Variants in PHF21B observed in about 807,000 individuals in gnomAD.
PHF21B encodes the protein PHD finger protein 4.
PHF21B carries 22 observed loss-of-function variants against 62.2 expected under a neutral mutation model. The observed-to-expected ratio is 0.35, with a 90% CI of 0.25 to 0.51. The LOEUF is 0.51. Ranked by LOEUF, PHF21B falls within the 20% of genes least tolerant of loss-of-function variation. The pLI is 0.97. For missense variants in PHF21B, 701 were observed against 707.9 expected (o/e 0.99, Z 0.11); for synonymous variants, 341 against 314.7 (o/e 1.08, Z -0.88).
chr22:45,004,833 G>A, intron 2 of PHF21B, among the ~76,000 whole-genome samples: 1 of 152,236 alleles, frequency 6.6e-6, no homozygotes, highest in East Asian at 1.9e-4. Context: ...TTTTACTGCT[G>A]CACTCGGGGA....
At chr22:44,916,011 G>A (rs2239792) in intron 4 of PHF21B, among the ~76,000 whole-genome samples, 37,931 of 152,006 alleles carry the variant, frequency 0.25, 5,308 homozygotes, top group East Asian at 0.61. Flanking sequence ...TTTTCCACTG[G>A]TATTAATTCA....
At position 44,986,251 on chromosome 22, in the gene PHF21B, T is replaced by C. The variant is rs11913359; in HGVS notation, c.120+22294A>G. 7.0e-5 allele frequency among the ~76,000 whole-genome samples: 10 copies of C among 143,532 alleles called. 1 individual carries two copies. In the South Asian group the frequency reaches 1.6e-3, roughly 23 times the overall value. The allele number at this position is 143,532 out of a possible 152,430, so 94.2% of individuals were successfully genotyped here. A position where few individuals can be genotyped will look rare whatever the true frequency, so the allele number is the denominator to read the frequency against. On this transcript the variant is annotated intron_variant, in intron 2 of 12. Coordinates refer to ENST00000313237, the MANE Select transcript of PHF21B (RefSeq NM_138415.5). ...ATCACCATCATTATGACAACCATCA[T>C]CACCACCATCACCAGCAGCACCATC...
intron 5 of PHF21B, among the ~76,000 whole-genome samples, chr22:44,906,086 G>T (rs374606740): frequency 1.4e-3 from 208 of 152,256 alleles, no homozygotes; most frequent in African/African-American, 4.9e-3. Context: ...CACCCTCAGG[G>T]TCACCCTTGC....
At chr22:44,944,795 T>G (rs1009797582) in intron 2 of PHF21B, among the ~76,000 whole-genome samples, 1 of 140,892 alleles carries the variant, frequency 7.1e-6, no homozygotes, top group Non-Finnish European at 1.5e-5. Context: ...GAAGAAACCC[T>G]TTGCCCAGCC....
At chr22:44,978,573 G>A in intron 2 of PHF21B, among the ~76,000 whole-genome samples, 1 of 152,166 alleles carries the variant, frequency 6.6e-6, no homozygotes, top group East Asian at 1.9e-4. Context: ...TGGTCAGGCT[G>A]GTCTCAAACT....
Position 44,885,427 on chromosome 22 carries a change from T to G in PHF21B, c.1376A>C (p.Gln459Pro). The G allele has an allele frequency of 1.3e-6, 2 of 1,575,240 alleles. No homozygotes were observed. The highest frequency in any genetic ancestry group is 1.7e-6 in the Non-Finnish European group (2 of 1,163,064). Residue 459 changes from glutamine (Q) to proline (P), a missense_variant and splice_region_variant, in exon 12 of 13, where the codon CAG becomes CCG. Gln to Pro is a moderately conservative substitution (Grantham distance 76, BLOSUM62 -1). Transcript: ENST00000313237. ...CCTCCCCCAGGCCCCGGGGCACACC[T>G]GCACTGCTGACGCCAGCCGCCGGTC... ...ERDRRLASAV[Q>P]KCLELKTSLL...
At position 44,928,894 on chromosome 22, in the gene PHF21B, G is replaced by A. The variant is rs553162666; in HGVS notation, c.121-8404C>T. ...CTGCAGAGGCCCCCCACCCCTCACC[G>A]CTGAGGCCCCACTGCCGGGGCTGAG... On this transcript the variant is annotated intron_variant, in intron 2 of 12. Coordinates refer to ENST00000313237, the MANE Select transcript of PHF21B (RefSeq NM_138415.5). Among the ~76,000 whole-genome samples the A allele has an allele frequency of 2.6e-5, 4 of 152,140 alleles. No homozygotes were observed. The South Asian group carries it at 8.3e-4, about 32-fold the overall frequency.
intron 3 of PHF21B, among the ~76,000 whole-genome samples, chr22:44,918,824 A>G (rs1026205766): frequency 2.0e-5 from 3 of 152,194 alleles, no homozygotes; most frequent in Non-Finnish European, 2.9e-5. Flanking sequence ...GGGAAATAGC[A>G]CTGGCCTTGA....
At chr22:44,992,840 T>A (rs934077698) in intron 2 of PHF21B, among the ~76,000 whole-genome samples, 1 of 152,126 alleles carries the variant, frequency 6.6e-6, no homozygotes, top group Non-Finnish European at 1.5e-5. Flanking sequence ...GCTCACACGA[T>A]CCTGTCGGCC....
At chr22:44,977,408 T>C (rs997055690) in intron 2 of PHF21B, among the ~76,000 whole-genome samples, 2 of 151,938 alleles carry the variant, frequency 1.3e-5, no homozygotes, top group African/African-American at 4.8e-5. Context: ...TTACTAAAAA[T>C]ACAAAAATTA....
At chr22:44,921,264 C>G (rs185797073) in intron 2 of PHF21B, among the ~76,000 whole-genome samples, 2 of 152,180 alleles carry the variant, frequency 1.3e-5, no homozygotes, top group African/African-American at 4.8e-5. Flanking sequence ...GGCCCACACG[C>G]GTACAGGAGA....
intron 2 of PHF21B, among the ~76,000 whole-genome samples, chr22:44,922,750 G>A (rs952110988): frequency 5.3e-5 from 8 of 152,052 alleles, no homozygotes; most frequent in Admixed American, 3.9e-4. Flanking sequence ...TAAGAAATAG[G>A]GATGAATCTG....
At chr22:45,008,058 A>C (rs1255687963) in intron 2 of PHF21B, 1 of 151,748 alleles carries the variant, frequency 6.6e-6, no homozygotes, top group African/African-American at 2.4e-5. Flanking sequence ...TCAGGTTCCA[A>C]GAATAAAAAG....
chr22:44,915,938 C>A (rs1231625151), intron 4 of PHF21B, among the ~76,000 whole-genome samples: 1 of 152,222 alleles, frequency 6.6e-6, no homozygotes. Flanking sequence ...GTCACTCATT[C>A]AGCCACACAT....
chr22:44,990,589 T>C (rs1162627273), intron 2 of PHF21B, among the ~76,000 whole-genome samples: 1 of 152,214 alleles, frequency 6.6e-6, no homozygotes, highest in African/African-American at 2.4e-5. Flanking sequence ...AAATTCAGTA[T>C]ATTGCGCGAA....
At chr22:44,934,540 G>A (rs556718848) in intron 2 of PHF21B, among the ~76,000 whole-genome samples, 3 of 152,246 alleles carry the variant, frequency 2.0e-5, no homozygotes, top group South Asian at 2.1e-4. Flanking sequence ...CTGCCAGGGC[G>A]TCAGGTCCAT....
intron 3 of PHF21B, among the ~76,000 whole-genome samples, chr22:44,917,090 G>C (rs1046146995): frequency 1.3e-5 from 2 of 152,222 alleles, no homozygotes; most frequent in Non-Finnish European, 2.9e-5. Context: ...CAGTCTGGGT[G>C]GGGGCTGCTG....
At chr22:44,994,802 T>C (rs951782261) in intron 2 of PHF21B, among the ~76,000 whole-genome samples, 1 of 152,194 alleles carries the variant, frequency 6.6e-6, no homozygotes, top group African/African-American at 2.4e-5. Context: ...CGATGAAAGA[T>C]GTGCCAACGT....
chr22:44,986,199 G>A (rs12157921), intron 2 of PHF21B, among the ~76,000 whole-genome samples: 10,371 of 132,846 alleles, frequency 0.078, 415 homozygotes, highest in Middle Eastern at 0.21. Flanking sequence ...CAGCATCACC[G>A]CCACTACCAT....
Sources: gnomAD v4.1 joint callset for allele counts (sites outside exome capture counted in the v4.1 genomes callset) on GRCh38, gnomAD v4.1.1 for gene constraint, MANE v1.5 for transcripts, NCBI Gene and HGNC (gene_info 2026-07-23, HGNC 2026-07-21) for gene names.